The following ERCC1 variants were observed in gnomAD, a reference collection of about 807,000 sequenced individuals.
ERCC1 encodes ERCC excision repair 1, endonuclease non-catalytic subunit, also known as DNA excision repair protein ERCC-1.
In ERCC1, 36 loss-of-function variants were observed where a neutral mutation model predicts 37.6. The ratio of observed to expected loss-of-function variants is 0.96; its 90% confidence interval spans 0.73 to 1.26. The LOEUF (loss-of-function observed/expected upper bound fraction) is 1.26, where lower values mean the gene tolerates loss of function less well. Ranked by LOEUF, ERCC1 falls within the 50% of genes most tolerant of loss-of-function variation. The probability of loss-of-function intolerance (pLI) is 0.00; values close to 1 mark genes in which losing one functional copy is unlikely to be tolerated. For synonymous variants in ERCC1, 156 were observed against 162.1 expected (o/e 0.96, Z 0.28); for missense variants, 349 against 376.5 (o/e 0.93, Z 0.60).
chr19:45,433,313 G>A (rs1974882902), intron 1 of ERCC1, among the ~76,000 whole-genome samples: 1 of 152,032 alleles, frequency 6.6e-6, no homozygotes, highest in Admixed American at 6.6e-5. Context: ...ATCACCAGAG[G>A]TCAGGAGTTC....
intron 1 of ERCC1, among the ~76,000 whole-genome samples, chr19:45,446,378 T>G (rs1350486491): frequency 6.6e-6 from 1 of 152,160 alleles, no homozygotes; most frequent in African/African-American, 2.4e-5. Flanking sequence ...CAAAATTTGC[T>G]GACAAGCACA....
At chr19:45,438,472 ATTTAT>A (rs1975038955) in intron 1 of ERCC1, among the ~76,000 whole-genome samples, 2 of 150,964 alleles carry the variant, frequency 1.3e-5, no homozygotes, top group Admixed American at 6.6e-5. Flanking sequence ...TTGTTTATTT[ATTTAT>A]TTTAAGACAG....
In ERCC1 at chr19:45,450,900, C is replaced by A. The variant is rs1213064656; in HGVS notation, c.-7-27519G>T. Among the ~76,000 whole-genome samples the A allele has an allele frequency of 2.6e-4, 25 of 97,812 alleles. 1 individual carries two copies. Among genetic ancestry groups the A allele is most frequent in the Admixed American group, 6.5e-4 (8 of 12,248 alleles). 64.2% of individuals were successfully genotyped at this position (97,812 alleles called of 152,430 possible). A position where few individuals can be genotyped will look rare whatever the true frequency, so the allele number is the denominator to read the frequency against. On this transcript the variant is annotated intron_variant, in intron 1 of 8. Transcript: ENST00000423698. Reference sequence around the variant, plus strand: ...CTCCGTGCGCCCGCCCCCCCCCCCCCCCCCCACGCCCGCGCAGACGCGGTG... The same window carrying A: ...CTCCGTGCGCCCGCCCCCCCCCCCCACCCCCACGCCCGCGCAGACGCGGTG...
At chr19:45,424,484 A>T (rs1974621901), upstream of ERCC1, 1 of 152,288 alleles carries the variant, frequency 6.6e-6, no homozygotes. Context: ...GGAGGAAGGG[A>T]CATCTGAGCA....
rs1314225801 is a variant in ERCC1, at chr19:45,408,395, C to G, written c.*1280G>C. On this transcript the variant is annotated 3_prime_UTR_variant, in exon 10 of 10. Transcript: ENST00000300853. ...AGCAAGTCCCCCACCACAGATCCCT[C>G]CTGGCCTGAGGCCTCGGTTCTGTGC... The G allele has an allele frequency of 6.2e-7, 1 of 1,613,100 alleles. No individual in the cohort carries two copies. The highest frequency in any genetic ancestry group is 8.5e-7 in the Non-Finnish European group (1 of 1,179,592).
intron 1 of ERCC1, among the ~76,000 whole-genome samples, chr19:45,445,370 G>A (rs1316365658): frequency 2.6e-5 from 4 of 152,184 alleles, no homozygotes; most frequent in Admixed American, 2.6e-4. Context: ...GGTAAAGACT[G>A]TGAGAATGCA....
At position 45,423,285 on chromosome 19, in the gene ERCC1, C is replaced by T. The variant is rs1974552067; in HGVS notation, c.90G>A (p.Glu30=). The T allele has an allele frequency of 6.2e-7, 1 of 1,613,606 alleles. No individual in the cohort carries two copies. Among genetic ancestry groups the T allele is most frequent in the South Asian group, 1.1e-5 (1 of 90,898 alleles). ...KKFVIPLDED[E]VPPGVAKPLF... Reference sequence around the variant, plus strand: ...CTTGTCCTACCACTCCAGGAGGGACCTCATCCTCGTCGAGGGGTATCACAA... The same window carrying T: ...CTTGTCCTACCACTCCAGGAGGGACTTCATCCTCGTCGAGGGGTATCACAA... The change falls in exon 2 of 10, where the codon GAG becomes GAA. Residue 30 remains glutamate, a synonymous_variant. Transcript: ENST00000300853.
intron 1 of ERCC1, chr19:45,450,874 T>G (rs757631183): frequency 8.0e-6 from 1 of 124,394 alleles, no homozygotes; most frequent in Admixed American, 9.1e-5. Flanking sequence ...GCGGCCGCCG[T>G]CTCCGTGCGC....
intron 2 of ERCC1, among the ~76,000 whole-genome samples, chr19:45,422,596 CT>C (rs2123533136): frequency 6.6e-6 from 1 of 152,176 alleles, no homozygotes; most frequent in Admixed American, 6.6e-5. Flanking sequence ...TGAAACCCGT[CT>C]CTACTAAAAA....
At chr19:45,424,922 CTTTTTTTTTTT>C (rs986137310), upstream of ERCC1, among the ~76,000 whole-genome samples, 4 of 121,898 alleles carry the variant, frequency 3.3e-5, no homozygotes, top group Non-Finnish European at 5.1e-5. Flanking sequence ...TCTTTTTTTT[CTTTTTTTTTTT>C]TTTTTCGAGA....
intron 1 of ERCC1, among the ~76,000 whole-genome samples, chr19:45,434,518 G>A (rs1295930369): frequency 6.6e-6 from 1 of 152,016 alleles, no homozygotes; most frequent in Non-Finnish European, 1.5e-5. Flanking sequence ...AATCTATCTG[G>A]CAGTTTTCTC....
In ERCC1 at chr19:45,409,180, G is replaced by T. The variant is rs2123432979; in HGVS notation, c.*495C>A. The T allele has an allele frequency of 6.2e-7, 1 of 1,613,510 alleles. No homozygotes were observed. Among genetic ancestry groups the T allele is most frequent in the East Asian group, 2.2e-5 (1 of 44,826 alleles). ...CAGTGGAGCCAGAGACAGAGGTGGTGGGGCCTGAGCTGCCGGATGACCTTG... is the reference window on the plus strand; with the variant it reads ...CAGTGGAGCCAGAGACAGAGGTGGTTGGGCCTGAGCTGCCGGATGACCTTG... On this transcript the variant is annotated 3_prime_UTR_variant, in exon 10 of 10. Transcript: ENST00000300853.
intron 1 of ERCC1, among the ~76,000 whole-genome samples, chr19:45,434,502 A>G (rs570858912): frequency 1.5e-4 from 23 of 152,098 alleles, no homozygotes; most frequent in Non-Finnish European, 3.1e-4. Flanking sequence ...AAAAAAAAGA[A>G]AAGAGAATCT....
chr19:45,425,082 ATT>A (rs35314737), upstream of ERCC1, among the ~76,000 whole-genome samples: 1,435 of 116,804 alleles, frequency 0.012, 7 homozygotes, highest in African/African-American at 0.041. Flanking sequence ...TGCCCGGCTA[ATT>A]TTTTTTTTTT....
intron 1 of ERCC1, among the ~76,000 whole-genome samples, chr19:45,438,929 C>T (rs1975049303): frequency 6.6e-6 from 1 of 152,222 alleles, no homozygotes; most frequent in South Asian, 2.1e-4. Context: ...GTGTGAACCA[C>T]CGCGCCCGGC....
Position 45,423,341 on chromosome 19 carries a change from G to A in ERCC1, c.34C>T (p.Gln12Ter). 6.2e-7 allele frequency: 1 copy of A among 1,613,528 alleles called. No homozygotes were observed. Among genetic ancestry groups the A allele is most frequent in the Non-Finnish European group, 8.5e-7 (1 of 1,179,854 alleles). The change falls in exon 2 of 10, where the codon CAG (glutamine) becomes TAG (stop). Residue 12 changes from glutamine (Q) to a stop codon, truncating the protein, a stop_gained. Transcript: ENST00000300853. LOFTEE classifies it high-confidence loss of function. ...TTCCTTGCTGGCGGCCCTGAGGGCT[G>A]GGGCACCCCCTCTTTGTCCTTCCCA... is the stretch of plus-strand genomic sequence containing the variant. ...DPGKDKEGVP[Q>*]PSGPPARKKF...
At chr19:45,418,352 ACAAT>A (rs529792933) in intron 5 of ERCC1, among the ~76,000 whole-genome samples, 11 of 151,968 alleles carry the variant, frequency 7.2e-5, no homozygotes, top group Admixed American at 1.3e-4. Flanking sequence ...CTGTCTCAAA[ACAAT>A]CAATCAATCA....
At position 45,407,382 on chromosome 19, in the gene ERCC1, A is replaced by G. The variant is rs1451401551; in HGVS notation, c.*2293T>C. The G allele has an allele frequency of 1.4e-6, 1 of 695,426 alleles. No individual in the cohort carries two copies. 43.1% of individuals were successfully genotyped at this position (695,426 alleles called of 1,614,324 possible). A position where few individuals can be genotyped will look rare whatever the true frequency, so the allele number is the denominator to read the frequency against. On this transcript the variant is annotated 3_prime_UTR_variant, in exon 10 of 10. Transcript: ENST00000300853. ...TGGAAACTACTCCTTTACAGAGTAGAGTGTCCTCAGAAAGCAGGGGGAGAA... is the reference window on the plus strand; with the variant it reads ...TGGAAACTACTCCTTTACAGAGTAGGGTGTCCTCAGAAAGCAGGGGGAGAA...
At chr19:45,442,763 G>C (rs1229310056) in intron 1 of ERCC1, among the ~76,000 whole-genome samples, 2 of 152,188 alleles carry the variant, frequency 1.3e-5, no homozygotes. Context: ...GGGTAGCCAG[G>C]AAGGCATCTT....
Sources: allele counts gnomAD v4.1 joint callset (sites outside exome capture counted in the v4.1 genomes callset), GRCh38; gene constraint gnomAD v4.1.1; transcripts MANE v1.5; gene names NCBI Gene and HGNC (gene_info 2026-07-23, HGNC 2026-07-21).